TDRP: variants seen among roughly 807,000 people sequenced by gnomAD.
The protein encoded by TDRP is testis development related protein.
TDRP carries 12 observed loss-of-function variants against 10.5 expected under a neutral mutation model. The ratio of observed to expected loss-of-function variants is 1.15; its 90% CI spans 0.73 to 1.86. TDRP has a LOEUF of 1.86. Among genes scored for constraint, TDRP ranks in the 40% most tolerant of loss-of-function variants. TDRP has a pLI of 0.00. For missense variants in TDRP, 353 were observed against 229.2 expected (o/e 1.54, Z -3.49); for synonymous variants, 139 against 95.4 (o/e 1.46, Z -2.67).
chr8:526,983 A>C (rs971318298), intron 1 of TDRP, among the ~76,000 whole-genome samples: 1 of 152,160 alleles, frequency 6.6e-6, no homozygotes, highest in African/African-American at 2.4e-5. Flanking sequence ...GGGCAGGCAC[A>C]GTGACTCATG....
chr8:491,933 A>C lies in TDRP; in HGVS notation c.*466T>G, dbSNP rs1467449311. 122 of 1,138,994 alleles carry C rather than the reference A, an allele frequency of 1.1e-4. 1 individual carries two copies. Among genetic ancestry groups the C allele is most frequent in the Non-Finnish European group, 1.2e-4 (114 of 930,030 alleles). The allele number at this position is 1,138,994 out of a possible 1,614,324, so 70.6% of individuals were successfully genotyped here. ...AATTTGTCAAGTTAAACAAAATTTA[A>C]CATAACTTTGGAAGATTCATCTTAC... is the stretch of plus-strand genomic sequence containing the variant. On this transcript the variant is annotated 3_prime_UTR_variant, in exon 3 of 3. Transcript: ENST00000324079.
intron 1 of TDRP, among the ~76,000 whole-genome samples, chr8:496,719 G>T (rs540781816): frequency 6.6e-6 from 1 of 152,308 alleles, no homozygotes; most frequent in African/African-American, 2.4e-5. Flanking sequence ...GATACGGTGT[G>T]GCTCTGTGTC....
chr8:523,588 T>C (rs1420942593), intron 1 of TDRP, among the ~76,000 whole-genome samples: 1 of 152,212 alleles, frequency 6.6e-6, no homozygotes. Flanking sequence ...GGATATGTCC[T>C]AGGCCTTGCA....
intron 1 of TDRP, among the ~76,000 whole-genome samples, chr8:526,958 A>G (rs909835395): frequency 7.2e-5 from 11 of 152,300 alleles, no homozygotes; most frequent in African/African-American, 2.6e-4. Flanking sequence ...AAAAACCTAA[A>G]GACTCAACCA....
intron 2 of TDRP, 115 bp downstream of exon 2, chr8:494,379 G>GC (rs1273895015): frequency 2.4e-5 from 23 of 946,164 alleles, no homozygotes; most frequent in Non-Finnish European, 3.4e-5. Context: ...GACTCGCCGC[G>GC]CCCCACAATG....
Position 491,712 on chromosome 8 carries a change from G to T in TDRP, c.*687C>A, listed in dbSNP as rs1294053966. 8.8e-6 allele frequency: 13 copies of T among 1,481,436 alleles called. No homozygotes were observed. The highest frequency in any genetic ancestry group is 1.1e-5 in the Non-Finnish European group (12 of 1,127,776). 91.8% of individuals were successfully genotyped at this position (1,481,436 alleles called of 1,614,324 possible). A position where few individuals can be genotyped will look rare whatever the true frequency, so the allele number is the denominator to read the frequency against. Reference sequence around the variant, plus strand: ...GAGCAAATGTTTTAAGAAAATAAAGGGACCGATTTAGAAGTTCAAAAGAGG... The same window carrying T: ...GAGCAAATGTTTTAAGAAAATAAAGTGACCGATTTAGAAGTTCAAAAGAGG... On this transcript the variant is annotated 3_prime_UTR_variant, in exon 3 of 3. Coordinates refer to ENST00000324079, the MANE Select transcript of TDRP (RefSeq NM_001384899.1).
chr8:530,437 G>A (rs1407777542), intron 1 of TDRP, among the ~76,000 whole-genome samples: 1 of 151,766 alleles, frequency 6.6e-6, no homozygotes, highest in Non-Finnish European at 1.5e-5. Context: ...TTTTTTGCTG[G>A]GATTTGGGGT....
At chr8:504,683 C>G (rs1801407737) in intron 1 of TDRP, among the ~76,000 whole-genome samples, 1 of 152,160 alleles carries the variant, frequency 6.6e-6, no homozygotes, top group Non-Finnish European at 1.5e-5. Flanking sequence ...TAAGAATCAC[C>G]AGGTTACAAT....
chr8:495,434 T>A (rs1801097934), intron 1 of TDRP, among the ~76,000 whole-genome samples: 1 of 152,182 alleles, frequency 6.6e-6, no homozygotes, highest in Admixed American at 6.5e-5. Context: ...GAAGAAATAA[T>A]TTTGTTGACT....
chr8:494,849 G>A lies in TDRP; in HGVS notation c.109-252C>T. On this transcript the variant is annotated intron_variant, in intron 1 of 2. Coordinates refer to ENST00000324079, the MANE Select transcript of TDRP (RefSeq NM_001384899.1). ...GTAATCTAAATTTAGTATTAGACAA[G>A]TCAATATTTTGCCTCAAAAAGCTTA... is the stretch of plus-strand genomic sequence containing the variant. 9.2e-6 allele frequency: 3 copies of A among 327,582 alleles called. 1 individual carries two copies. The highest frequency in any genetic ancestry group is 1.2e-4 in the South Asian group (2 of 17,092). The allele number at this position is 327,582 out of a possible 1,614,324, so 20.3% of individuals were successfully genotyped here.
At chr8:526,094 G>A (rs1014795150) in intron 1 of TDRP, among the ~76,000 whole-genome samples, 1 of 152,088 alleles carries the variant, frequency 6.6e-6, no homozygotes, top group Admixed American at 6.5e-5. Flanking sequence ...TGCCTTTATT[G>A]TGCCTTTAGT....
In TDRP at chr8:518,008, G is replaced by A. The variant is rs568641463; in HGVS notation, c.109-23411C>T. On this transcript the variant is annotated intron_variant, in intron 1 of 2. Coordinates refer to ENST00000324079, the MANE Select transcript of TDRP (RefSeq NM_001384899.1). Reference sequence around the variant, plus strand: ...GTGGAATTTTAAATCTTATGGCAGTGGAACCACCAGGCCTGATGCTACACT... The same window carrying A: ...GTGGAATTTTAAATCTTATGGCAGTAGAACCACCAGGCCTGATGCTACACT... Among the ~76,000 whole-genome samples the A allele has an allele frequency of 4.6e-5, 7 of 152,290 alleles. No individual in the cohort carries two copies. In the East Asian group the frequency reaches 1.4e-3, roughly 29 times the overall value.
chr8:523,608 A>G (rs1264482641), intron 1 of TDRP, among the ~76,000 whole-genome samples: 1 of 152,156 alleles, frequency 6.6e-6, no homozygotes, highest in Non-Finnish European at 1.5e-5. Flanking sequence ...AGCATTCACG[A>G]GCTGACTAAA....
chr8:500,976 G>C (rs1004845404), intron 1 of TDRP, among the ~76,000 whole-genome samples: 1 of 152,164 alleles, frequency 6.6e-6, no homozygotes, highest in Non-Finnish European at 1.5e-5. Context: ...GGAGGCCAAG[G>C]TGGGTGGATC....
In TDRP at chr8:490,893, A is replaced by G. The variant is rs1331684898; in HGVS notation, c.*1506T>C. The G allele has an allele frequency of 6.6e-6, 1 of 152,228 alleles. No individual in the cohort carries two copies. Among genetic ancestry groups the G allele is most frequent in the Non-Finnish European group, 1.5e-5 (1 of 68,042 alleles). 9.4% of individuals were successfully genotyped at this position (152,228 alleles called of 1,614,324 possible). On this transcript the variant is annotated 3_prime_UTR_variant, in exon 3 of 3. Transcript: ENST00000324079. ...TTCTTGTTCTATTAAAAAAAAAAGT[A>G]GATGATTGACAGAAGGCTAGATGGA...
At position 497,781 on chromosome 8, in the gene TDRP, T is replaced by C. The variant is rs554578481; in HGVS notation, c.109-3184A>G. Among the ~76,000 whole-genome samples the C allele has an allele frequency of 2.1e-4, 32 of 152,328 alleles. 1 individual carries two copies. Among genetic ancestry groups the C allele is most frequent in the Admixed American group, 1.9e-3 (29 of 15,302 alleles). ...GGCCTAGGAGGGAAAAATGGTTTTCTGGGCCAGGCCCAGGGTCCTGCTTCA... is the reference window on the plus strand; with the variant it reads ...GGCCTAGGAGGGAAAAATGGTTTTCCGGGCCAGGCCCAGGGTCCTGCTTCA... On this transcript the variant is annotated intron_variant, in intron 1 of 2. Coordinates refer to ENST00000324079, the MANE Select transcript of TDRP (RefSeq NM_001384899.1).
intron 2 of TDRP, among the ~76,000 whole-genome samples, chr8:493,993 GTTTTTTTTTTTT>G (rs68057437): frequency 9.4e-6 from 1 of 106,528 alleles, no homozygotes; most frequent in African/African-American, 3.6e-5. Context: ...CATTTCTGTT[GTTTTTTTTTTTT>G]TTTTTTTTGA....
chr8:521,244 TCCAA>T (rs1452202126), intron 1 of TDRP, among the ~76,000 whole-genome samples: 6 of 74,532 alleles, frequency 8.1e-5, no homozygotes, highest in African/African-American at 3.2e-4. Flanking sequence ...CTACTAAAAA[TCCAA>T]AAAAAAAAAA....
chr8:536,547 G>A (rs1156757624), intron 1 of TDRP, among the ~76,000 whole-genome samples: 1 of 151,962 alleles, frequency 6.6e-6, no homozygotes, highest in African/African-American at 2.4e-5. Context: ...AGAAAACTTG[G>A]CATACAAATT....
Sources: gnomAD v4.1 joint callset for allele counts (sites outside exome capture counted in the v4.1 genomes callset) on GRCh38, gnomAD v4.1.1 for gene constraint, MANE v1.5 for transcripts, NCBI Gene and HGNC (gene_info 2026-07-23, HGNC 2026-07-21) for gene names.